BLMH: variants seen among roughly 807,000 people sequenced by gnomAD.
BLMH encodes the protein BLM hydrolase.
A neutral mutation model predicts 61.6 loss-of-function variants in BLMH; 32 were observed. The ratio of observed to expected loss-of-function variants is 0.52; its 90% CI spans 0.39 to 0.70. BLMH has a LOEUF of 0.70. Ranked by LOEUF, BLMH falls within the 30% of genes least tolerant of loss-of-function variation. The probability of loss-of-function intolerance (pLI) is 0.00; values close to 1 mark genes in which losing one functional copy is unlikely to be tolerated. For missense variants in BLMH, 460 were observed against 555.5 expected, an observed-to-expected ratio of 0.83 and a Z score of 1.73; for synonymous variants, 183 against 193.8, an observed-to-expected ratio of 0.94 and a Z score of 0.46.
intron 11 of BLMH, among the ~76,000 whole-genome samples, chr17:30,255,317 T>C (rs1239874913): frequency 3.3e-5 from 5 of 152,222 alleles, no homozygotes; most frequent in Non-Finnish European, 7.3e-5. Context: ...TTAGGGGCGA[T>C]GGGCTATACC....
rs376959283 is a variant in BLMH at position 30,255,876 on chromosome 17, G to A, written c.1217-6708C>T. On this transcript the variant is annotated intron_variant, in intron 11 of 11. Coordinates refer to ENST00000261714, the MANE Select transcript of BLMH (RefSeq NM_000386.4). ...TGCGCCACTGGACTCCAGCCTGGGCGACAGAGTGAGACTCCGTCTCAAAAA... is the reference window on the plus strand; with the variant it reads ...TGCGCCACTGGACTCCAGCCTGGGCAACAGAGTGAGACTCCGTCTCAAAAA... 4.6e-5 allele frequency among the ~76,000 whole-genome samples: 7 copies of A among 152,110 alleles called. No homozygotes were observed. In the East Asian group the frequency reaches 5.8e-4, roughly 13 times the overall value.
At position 30,285,455 on chromosome 17, in the gene BLMH, C is replaced by T. The variant is rs1908701053; in HGVS notation, c.578G>A (p.Arg193Gln). ...GGTTGCTCCACTGTGTACCAGGTTC[C>T]GCAGTCGTATACAGAATTCTCTCAT... ...HKMREFCIRL[R>Q]NLVHSGATKG... is the part of the protein sequence containing the mutation. The change falls in exon 6 of 12, where the codon CGG becomes CAG. Residue 193 changes from arginine (R) to glutamine (Q), a missense_variant. Arg to Gln is a conservative substitution (Grantham distance 43). Around this residue, in one of 5 missense-constraint regions of BLMH, gnomAD observed 310 missense variants for 371.1 expected, o/e 0.84. Coordinates refer to ENST00000261714, the MANE Select transcript of BLMH (RefSeq NM_000386.4). The T allele has an allele frequency of 3.7e-6, 6 of 1,612,310 alleles. No individual in the cohort carries two copies. Among genetic ancestry groups the T allele is most frequent in the Admixed American group, 1.7e-5 (1 of 59,746 alleles).
rs765650218 is a variant in BLMH, at chr17:30,287,941, G to T, written c.328C>A (p.Arg110Ser). ...AAAGCACTCAAGAAGAAATAACAGCGTTCAACCTAAAGAGTAAAGAAAGTT... is the reference window on the plus strand; with the variant it reads ...AAAGCACTCAAGAAGAAATAACAGCTTTCAACCTAAAGAGTAAAGAAAGTT... ...SYLFFWDKVE[R>S]CYFFLSAFVD... is the part of the protein sequence containing the mutation. Residue 110 changes from arginine to serine, a missense_variant, in exon 4 of 12, where the codon CGC (arginine) becomes AGC (serine). This residue lies in a region of BLMH where 43 missense variants were observed against 38.8 expected (regional missense o/e 1.11). Transcript: ENST00000261714. The T allele has an allele frequency of 6.2e-7, 1 of 1,612,466 alleles. No individual in the cohort carries two copies. The highest frequency in any genetic ancestry group is 1.1e-5 in the South Asian group (1 of 90,736).
In BLMH at chr17:30,261,067, CTT is replaced by C. The variant is rs1907944117; in HGVS notation, c.1216+5816_1216+5817del. Among the ~76,000 whole-genome samples the C allele has an allele frequency of 2.6e-5, 4 of 152,338 alleles. No individual in the cohort carries two copies. The South Asian group carries it at 8.3e-4, about 32-fold the overall frequency. ...GTGCTTTTAAGTTCTACAATTCACT[CTT>C]GTTTCAGCAAGTCTGGCCCAACATT... On this transcript the variant is annotated intron_variant, in intron 11 of 11. Transcript: ENST00000261714.
At chr17:30,255,187 G>C (rs1489153433) in intron 11 of BLMH, among the ~76,000 whole-genome samples, 1 of 152,148 alleles carries the variant, frequency 6.6e-6, no homozygotes, top group Non-Finnish European at 1.5e-5. Flanking sequence ...ATATGATAGT[G>C]GTTCTGTAAG....
chr17:30,281,353 T>C (rs1299026759), intron 6 of BLMH, among the ~76,000 whole-genome samples: 2 of 152,086 alleles, frequency 1.3e-5, no homozygotes, highest in African/African-American at 4.8e-5. Context: ...CCACACCTAC[T>C]AGATCAATCT....
At chr17:30,290,835 CA>C (rs1567840868) in intron 2 of BLMH, among the ~76,000 whole-genome samples, 1 of 152,210 alleles carries the variant, frequency 6.6e-6, no homozygotes, top group African/African-American at 2.4e-5. Context: ...AGCCCATCAG[CA>C]CATTAGCTTC....
chr17:30,282,744 C>G (rs116466055), intron 6 of BLMH, among the ~76,000 whole-genome samples: 70 of 152,166 alleles, frequency 4.6e-4, no homozygotes, highest in Non-Finnish European at 8.4e-4. Flanking sequence ...TTTTGACTTG[C>G]CTACAAGGTT....
chr17:30,269,196 G>C (rs866534944), intron 10 of BLMH, among the ~76,000 whole-genome samples: 5 of 50,910 alleles, frequency 9.8e-5, no homozygotes, highest in Admixed American at 4.2e-4. Context: ...TTTTTTTTTT[G>C]AGACAGAGTC....
chr17:30,271,259 T>C lies in BLMH; in HGVS notation c.1146+12A>G. The C allele has an allele frequency of 6.3e-7, 1 of 1,577,880 alleles. No homozygotes were observed. The highest frequency in any genetic ancestry group is 1.3e-5 in the African/African-American group (1 of 74,250). On this transcript the variant is annotated intron_variant, in intron 10 of 11. Coordinates refer to ENST00000261714, the MANE Select transcript of BLMH (RefSeq NM_000386.4). ...TGTGCAAACACTCCAGCAGGCATGC[T>C]GAGGGTCATACCTTCTCTGAGACAG...
At chr17:30,290,625 A>C (rs1908859407) in intron 2 of BLMH, among the ~76,000 whole-genome samples, 1 of 152,208 alleles carries the variant, frequency 6.6e-6, no homozygotes, top group South Asian at 2.1e-4. Flanking sequence ...GTATAGAAAG[A>C]CTTTAAAAAA....
chr17:30,269,369 C>G (rs1908202450), intron 10 of BLMH, among the ~76,000 whole-genome samples: 1 of 151,726 alleles, frequency 6.6e-6, no homozygotes, highest in Admixed American at 6.6e-5. Context: ...TTAGTGGAGA[C>G]AGGGTCTCGC....
At chr17:30,252,634 G>C (rs1310103547) in intron 11 of BLMH, among the ~76,000 whole-genome samples, 1 of 151,770 alleles carries the variant, frequency 6.6e-6, no homozygotes, top group African/African-American at 2.4e-5. Flanking sequence ...CCTAAACAGA[G>C]TGAGACCCTG....
Position 30,291,870 on chromosome 17 carries a change from G to A in BLMH, c.-51C>T, listed in dbSNP as rs1908904803. On this transcript the variant is annotated 5_prime_UTR_variant, in exon 1 of 12. Transcript: ENST00000261714. ...ACGGTAGCTTCCAGGGTCCTTGGGC[G>A]AGCGCCGGGATTGCGCTGCGGCTCG... 7 of 1,282,224 alleles carry A rather than the reference G, an allele frequency of 5.5e-6. No homozygotes were observed. The Admixed American group carries it at 1.6e-4, about 29-fold the overall frequency. The allele number at this position is 1,282,224 out of a possible 1,614,324, so 79.4% of individuals were successfully genotyped here.
At chr17:30,281,299 A>G (rs1181679647) in intron 6 of BLMH, among the ~76,000 whole-genome samples, 1 of 152,100 alleles carries the variant, frequency 6.6e-6, no homozygotes, top group African/African-American at 2.4e-5. Context: ...AGAGGTGTTT[A>G]TATCAAAGAA....
intron 6 of BLMH, among the ~76,000 whole-genome samples, chr17:30,276,218 G>A (rs1047424931): frequency 1.3e-5 from 2 of 152,208 alleles, no homozygotes; most frequent in African/African-American, 4.8e-5. Flanking sequence ...CTACTTTGCT[G>A]TACTATCTTT....
chr17:30,272,641 G>T lies in BLMH; in HGVS notation c.961-13C>A, dbSNP rs1407407287. 1.2e-6 allele frequency: 2 copies of T among 1,614,054 alleles called. No homozygotes were observed. The highest frequency in any genetic ancestry group is 1.1e-5 in the South Asian group (1 of 91,070). ...CAAACCACACAGCCTAGAAACAGAA[G>T]AAAGAGGAAGAAAGTCAACATAAAC... On this transcript the variant is annotated splice_polypyrimidine_tract_variant and intron_variant, in intron 8 of 11. Transcript: ENST00000261714.
intron 6 of BLMH, among the ~76,000 whole-genome samples, chr17:30,280,590 C>T (rs1196478099): frequency 1.3e-5 from 2 of 152,094 alleles, no homozygotes; most frequent in African/African-American, 2.4e-5. Context: ...GATCTTCTTG[C>T]CTCAGCCTAC....
rs117575422 is a variant in BLMH, at chr17:30,268,752, C to A, written c.1147-1798G>T. Among the ~76,000 whole-genome samples, 85 of 151,520 alleles carry A rather than the reference C, an allele frequency of 5.6e-4. 1 individual carries two copies. In the East Asian group the frequency reaches 0.015, roughly 27 times the overall value. On this transcript the variant is annotated intron_variant, in intron 10 of 11. Transcript: ENST00000261714. ...AACAAACAAACAAACAAAACAAATT[C>A]TCGGCTGGGCACAGTGGCTCATGCC...
Sources: allele counts gnomAD v4.1 joint callset (sites outside exome capture counted in the v4.1 genomes callset), GRCh38; gene constraint gnomAD v4.1.1; regional missense constraint gnomAD v4.1.1; transcripts MANE v1.5; gene names NCBI Gene and HGNC (gene_info 2026-07-23, HGNC 2026-07-21).